ADGRL2: variants seen among roughly 807,000 people sequenced by gnomAD.
The protein encoded by ADGRL2 is adhesion G protein-coupled receptor L2.
ADGRL2 carries 44 observed loss-of-function variants against 157.4 expected under a neutral mutation model. That is an observed-to-expected ratio of 0.28 (90% CI 0.22 to 0.36). ADGRL2 has a LOEUF of 0.36. Ranked by LOEUF, ADGRL2 falls within the 10% of genes least tolerant of loss-of-function variation. The pLI, the probability that ADGRL2 is intolerant of heterozygous loss-of-function variation, is 1.00. For missense variants in ADGRL2, 1,510 were observed against 1,768.9 expected, an observed-to-expected ratio of 0.85 and a Z score of 2.63; for synonymous variants, 585 against 624.7, an observed-to-expected ratio of 0.94 and a Z score of 0.95.
At chr1:81,415,934 G>A (rs867322238) in intron 1 of ADGRL2, among the ~76,000 whole-genome samples, 1 of 150,258 alleles carries the variant, frequency 6.7e-6, no homozygotes, top group Non-Finnish European at 1.5e-5. Flanking sequence ...TCGGCCTCCC[G>A]GGTTCATGCC....
chr1:81,670,211 T>C (rs532713491), intron 3 of ADGRL2, among the ~76,000 whole-genome samples: 2 of 152,362 alleles, frequency 1.3e-5, no homozygotes, highest in South Asian at 4.1e-4. Context: ...CTGATTGTAG[T>C]TCAGCTTATT....
At chr1:81,892,348 AG>A (rs1360107050) in intron 2 of ADGRL2, among the ~76,000 whole-genome samples, 2 of 152,126 alleles carry the variant, frequency 1.3e-5, no homozygotes, top group African/African-American at 4.8e-5. Flanking sequence ...TTAATATCTT[AG>A]GGGGAAGTAA....
chr1:81,692,071 A>G (rs1465303703), intron 3 of ADGRL2, among the ~76,000 whole-genome samples: 1 of 151,800 alleles, frequency 6.6e-6, no homozygotes, highest in African/African-American at 2.4e-5. Context: ...ATTTTCATAT[A>G]GTATACAGAA....
At chr1:81,909,994 C>T (rs1201693582) in intron 3 of ADGRL2, among the ~76,000 whole-genome samples, 1 of 152,026 alleles carries the variant, frequency 6.6e-6, no homozygotes, top group Non-Finnish European at 1.5e-5. Flanking sequence ...AATCCCAGCA[C>T]TTTGCGAGGC....
chr1:81,655,063 G>A (rs906909858), intron 3 of ADGRL2, among the ~76,000 whole-genome samples: 1 of 152,120 alleles, frequency 6.6e-6, no homozygotes, highest in East Asian at 1.9e-4. Flanking sequence ...TCGCCCCCCT[G>A]CGATGGGGGT....
chr1:81,328,227 C>T (rs983224531), intron 1 of ADGRL2, among the ~76,000 whole-genome samples: 2 of 152,108 alleles, frequency 1.3e-5, no homozygotes, highest in African/African-American at 4.8e-5. Flanking sequence ...CAACTACATA[C>T]TCAGTGGTTT....
chr1:81,456,052 C>T (rs1034141690), intron 2 of ADGRL2, among the ~76,000 whole-genome samples: 6 of 152,138 alleles, frequency 3.9e-5, no homozygotes, highest in African/African-American at 1.4e-4. Flanking sequence ...AAGCCTAATA[C>T]ATTTGGAAGG....
intron 2 of ADGRL2, among the ~76,000 whole-genome samples, chr1:81,558,516 G>T (rs2080366173): frequency 6.6e-6 from 1 of 152,068 alleles, no homozygotes; most frequent in African/African-American, 2.4e-5. Context: ...TGCCTTCAAG[G>T]CCATATTGCT....
At chr1:81,957,700 C>T (rs1345658933) in intron 11 of ADGRL2, among the ~76,000 whole-genome samples, 1 of 151,594 alleles carries the variant, frequency 6.6e-6, no homozygotes, top group Non-Finnish European at 1.5e-5. Context: ...TAGAGTGAGA[C>T]CCCATCTCAA....
chr1:81,392,360 G>A (rs2101139818), intron 1 of ADGRL2, among the ~76,000 whole-genome samples: 1 of 152,184 alleles, frequency 6.6e-6, no homozygotes, highest in Admixed American at 6.5e-5. Flanking sequence ...TTTTATACCT[G>A]CCTTCCGGTG....
chr1:81,495,301 A>T (rs961933787), intron 2 of ADGRL2, among the ~76,000 whole-genome samples: 1 of 152,146 alleles, frequency 6.6e-6, no homozygotes, highest in Admixed American at 6.6e-5. Flanking sequence ...TTCTCCCAAA[A>T]TGTGAATGAT....
chr1:81,654,057 T>C (rs534633549), intron 3 of ADGRL2, among the ~76,000 whole-genome samples: 60 of 152,268 alleles, frequency 3.9e-4, no homozygotes, highest in Middle Eastern at 6.8e-3. Context: ...GCAATTCTCC[T>C]GCCTCAGCCT....
At chr1:81,878,667 T>TAGTGAA (rs2151162215) in intron 2 of ADGRL2, among the ~76,000 whole-genome samples, 1 of 152,300 alleles carries the variant, frequency 6.6e-6, no homozygotes, top group Non-Finnish European at 1.5e-5. Flanking sequence ...AGAGATGTTG[T>TAGTGAA]AATGTGTCCC....
At chr1:81,912,273 T>C (rs994931918) in intron 3 of ADGRL2, among the ~76,000 whole-genome samples, 6 of 151,924 alleles carry the variant, frequency 3.9e-5, no homozygotes, top group Non-Finnish European at 8.8e-5. Flanking sequence ...TGTTTCACCA[T>C]ATTGTCCAGG....
chr1:81,390,163 C>G (rs72939034), intron 1 of ADGRL2, among the ~76,000 whole-genome samples: 1 of 151,768 alleles, frequency 6.6e-6, no homozygotes, highest in African/African-American at 2.4e-5. Context: ...CCAGAAGAGT[C>G]CTGCTTTTAT....
chr1:81,757,547 C>G (rs774462592), intron 1 of ADGRL2, among the ~76,000 whole-genome samples: 9 of 152,164 alleles, frequency 5.9e-5, no homozygotes, highest in African/African-American at 2.2e-4. Context: ...ACCAATCCAG[C>G]TGTTTCTGTA....
At chr1:81,503,735 T>A (rs1316196421) in intron 2 of ADGRL2, among the ~76,000 whole-genome samples, 21 of 152,140 alleles carry the variant, frequency 1.4e-4, no homozygotes, top group Admixed American at 1.3e-3. Flanking sequence ...GTGTCCAGCT[T>A]CCTCCAGGGT....
At chr1:81,498,480 A>G (rs1167035169) in intron 2 of ADGRL2, among the ~76,000 whole-genome samples, 1 of 152,170 alleles carries the variant, frequency 6.6e-6, no homozygotes, top group Non-Finnish European at 1.5e-5. Context: ...TCTTTTGTGC[A>G]TTGTCAAGTG....
At chr1:81,763,047 A>G (rs2085949021) in intron 2 of ADGRL2, among the ~76,000 whole-genome samples, 1 of 43,060 alleles carries the variant, frequency 2.3e-5, no homozygotes, top group East Asian at 7.7e-3. Context: ...GACTCCGTCT[A>G]AAAAAAAAAA....
Sources: gnomAD v4.1 joint callset for allele counts (sites outside exome capture counted in the v4.1 genomes callset) on GRCh38, gnomAD v4.1.1 for gene constraint, MANE v1.5 for transcripts, NCBI Gene and HGNC (gene_info 2026-07-23, HGNC 2026-07-21) for gene names.